Variants in MAP3K4 observed in about 807,000 individuals in gnomAD.
The protein encoded by MAP3K4 is MAP three kinase 1.
A neutral mutation model predicts 185.6 loss-of-function variants in MAP3K4; 67 were observed. The ratio of observed to expected loss-of-function variants is 0.36; its 90% CI spans 0.30 to 0.44. The LOEUF (loss-of-function observed/expected upper bound fraction) is 0.44. Among genes scored for constraint, MAP3K4 ranks in the 20% least tolerant of loss-of-function variants. The pLI is 1.00. For synonymous variants in MAP3K4, 702 were observed against 710.4 expected (o/e 0.99, Z 0.19); for missense variants, 1,551 against 1,995.1 (o/e 0.78, Z 4.24).
intron 6 of MAP3K4, among the ~76,000 whole-genome samples, chr6:161,083,024 T>C (rs1477893428): frequency 3.3e-5 from 5 of 152,170 alleles, no homozygotes; most frequent in Admixed American, 2.6e-4. Flanking sequence ...TTCTAGACCC[T>C]CCTGTCCTGT....
At chr6:161,035,599 C>T (rs1783128264) in intron 2 of MAP3K4, among the ~76,000 whole-genome samples, 1 of 152,140 alleles carries the variant, frequency 6.6e-6, no homozygotes, top group African/African-American at 2.4e-5. Context: ...ATTTGATTTG[C>T]TGTAATTTTT....
chr6:161,080,819 T>C lies in MAP3K4; in HGVS notation c.2098-62T>C. 1.4e-6 allele frequency: 2 copies of C among 1,473,528 alleles called. No homozygotes were observed. The highest frequency in any genetic ancestry group is 1.9e-6 in the Non-Finnish European group (2 of 1,067,218). The allele number at this position is 1,473,528 out of a possible 1,614,324, so 91.3% of individuals were successfully genotyped here. A position where few individuals can be genotyped will look rare whatever the true frequency, so the allele number is the denominator to read the frequency against. On this transcript the variant is annotated intron_variant, in intron 5 of 26. Transcript: ENST00000392142. The surrounding 1 kb of genome is among the most constrained non-coding windows in gnomAD (Gnocchi z 4.8). Reference sequence around the variant, plus strand: ...ACCCTGCTGATGTGTAGCTTTCAGGTGAGAGCGCTGAGTTGCCAAGTTCTA... The same window carrying C: ...ACCCTGCTGATGTGTAGCTTTCAGGCGAGAGCGCTGAGTTGCCAAGTTCTA...
chr6:161,068,375 C>G (rs1238837291), intron 3 of MAP3K4, among the ~76,000 whole-genome samples: 1 of 152,164 alleles, frequency 6.6e-6, no homozygotes, highest in Non-Finnish European at 1.5e-5. Flanking sequence ...AGAACACTGT[C>G]TGCAGATCAG....
At chr6:161,102,981 A>G (rs973976701) in intron 19 of MAP3K4, among the ~76,000 whole-genome samples, 3 of 152,172 alleles carry the variant, frequency 2.0e-5, no homozygotes, top group Non-Finnish European at 4.4e-5. Flanking sequence ...GTAACAAACT[A>G]CATGCTCCTT....
intron 2 of MAP3K4, among the ~76,000 whole-genome samples, chr6:161,047,954 A>C (rs888846487): frequency 6.6e-6 from 1 of 152,342 alleles, no homozygotes; most frequent in Middle Eastern, 3.4e-3. Flanking sequence ...ATTATACCAA[A>C]TTAGTCTATA....
rs1042216549 is a variant in MAP3K4 at position 161,086,570 on chromosome 6, A to G, written c.2473-14A>G. ...GCTAACCGTAAAGAAGTTTCTTTGT[A>G]ACTGTGATCCTAGGACCTGGAAATA... On this transcript the variant is annotated splice_polypyrimidine_tract_variant and intron_variant, in intron 8 of 26. Transcript: ENST00000392142. This position sits in a 1 kb window ranked among gnomAD's most constrained non-coding sequence, Gnocchi z 4.8. The G allele has an allele frequency of 1.2e-6, 2 of 1,611,452 alleles. No individual in the cohort carries two copies. The highest frequency in any genetic ancestry group is 1.7e-6 in the Non-Finnish European group (2 of 1,178,828).
intron 2 of MAP3K4, among the ~76,000 whole-genome samples, chr6:161,044,614 G>C (rs1377166990): frequency 6.6e-6 from 1 of 152,206 alleles, no homozygotes; most frequent in Non-Finnish European, 1.5e-5. Flanking sequence ...TCAGTTGCCA[G>C]AAAGCACTCT....
rs181505310 is a variant in MAP3K4 at position 161,012,919 on chromosome 6, A to G, written c.152+20836A>G. The stretch of plus-strand genomic sequence containing the variant: ...TTTAAAAATGGTCCCATCATATTTC[A>G]TTTTATGAGCATACCATAGAGCTGG... On this transcript the variant is annotated intron_variant, in intron 1 of 26. Coordinates refer to ENST00000392142, the MANE Select transcript of MAP3K4 (RefSeq NM_005922.4). Among the ~76,000 whole-genome samples the G allele has an allele frequency of 4.6e-5, 7 of 152,276 alleles. No individual in the cohort carries two copies. The South Asian group carries it at 1.0e-3, about 23-fold the overall frequency.
Position 160,991,863 on chromosome 6 carries a change from G to A in MAP3K4, c.-69G>A, listed in dbSNP as rs1780708746. ...CGGAGTCGAGTCACTCCCGCACTTC[G>A]GGGCTCCGGTGCCCCGCGCCAGGCT... On this transcript the variant is annotated 5_prime_UTR_variant, in exon 1 of 27. Transcript: ENST00000392142. The surrounding 1 kb of genome is among the most constrained non-coding windows in gnomAD (Gnocchi z 5.7). 2.1e-6 allele frequency: 3 copies of A among 1,419,572 alleles called. No individual in the cohort carries two copies. Among genetic ancestry groups the A allele is most frequent in the Middle Eastern group, 2.5e-4 (1 of 3,970 alleles). The allele number at this position is 1,419,572 out of a possible 1,614,324, so 87.9% of individuals were successfully genotyped here.
In MAP3K4 at chr6:161,093,292, TC is replaced by T. The variant is rs1429127026; in HGVS notation, c.3348+237del. Among the ~76,000 whole-genome samples, 1 of 152,220 alleles carries T rather than the reference TC, an allele frequency of 6.6e-6. No homozygotes were observed. The highest frequency in any genetic ancestry group is 1.9e-4 in the East Asian group (1 of 5,208). On this transcript the variant is annotated intron_variant, in intron 14 of 26. Coordinates refer to ENST00000392142, the MANE Select transcript of MAP3K4 (RefSeq NM_005922.4). The surrounding 1 kb of genome is among the most constrained non-coding windows in gnomAD (Gnocchi z 5.2). The stretch of plus-strand genomic sequence containing the variant: ...TGTCTGGTTTGTAAACCCTGGCCCT[TC>T]TAAAATATTTGTGAGATTTATATTT...
chr6:161,077,324 C>G lies in MAP3K4; in HGVS notation c.2098-3557C>G, dbSNP rs1207248276. 6.6e-6 allele frequency among the ~76,000 whole-genome samples: 1 copy of G among 152,080 alleles called. No individual in the cohort carries two copies. The highest frequency in any genetic ancestry group is 1.5e-5 in the Non-Finnish European group (1 of 68,012). The stretch of plus-strand genomic sequence containing the variant: ...CTTAAAATAAAAATTAAAGAAAAAT[C>G]AACAAGAACATATCTAAAGCAAATA... On this transcript the variant is annotated intron_variant, in intron 5 of 26. Transcript: ENST00000392142. This position sits in a 1 kb window ranked among gnomAD's most constrained non-coding sequence, Gnocchi z 4.3.
At chr6:161,081,594 A>C (rs569146395) in intron 6 of MAP3K4, among the ~76,000 whole-genome samples, 1 of 152,320 alleles carries the variant, frequency 6.6e-6, no homozygotes, top group African/African-American at 2.4e-5. Flanking sequence ...GGGTGAAGGA[A>C]TAGAAGTGTA....
Position 161,097,244 on chromosome 6 carries a change from A to G in MAP3K4, c.3524+68A>G. ...CCGATATGCATGCTCATACTTTTGA[A>G]ACTACTAGATGCTTGCTCTGAGAGC... On this transcript the variant is annotated intron_variant, in intron 16 of 26. Coordinates refer to ENST00000392142, the MANE Select transcript of MAP3K4 (RefSeq NM_005922.4). The surrounding 1 kb of genome is among the most constrained non-coding windows in gnomAD (Gnocchi z 4.9). The G allele has an allele frequency of 7.6e-7, 1 of 1,311,190 alleles. No individual in the cohort carries two copies. The highest frequency in any genetic ancestry group is 2.3e-5 in the East Asian group (1 of 43,242). 81.2% of individuals were successfully genotyped at this position (1,311,190 alleles called of 1,614,324 possible).
chr6:161,002,588 G>GATTTTTTT (rs1781374283), intron 1 of MAP3K4, among the ~76,000 whole-genome samples: 1 of 92,352 alleles, frequency 1.1e-5, no homozygotes, highest in Non-Finnish European at 2.2e-5. Flanking sequence ...AATAGTTTTG[G>GATTTTTTT]CTTTTTTTTT....
chr6:161,041,908 G>GTTT (rs1783473007), intron 2 of MAP3K4, among the ~76,000 whole-genome samples: 3 of 94,386 alleles, frequency 3.2e-5, no homozygotes, highest in South Asian at 3.9e-4. Flanking sequence ...TTGAGTTATT[G>GTTT]TTTCTTTTTT....
chr6:161,069,321 G>A (rs141314429), intron 3 of MAP3K4, among the ~76,000 whole-genome samples: 1 of 152,280 alleles, frequency 6.6e-6, no homozygotes, highest in Non-Finnish European at 1.5e-5. Flanking sequence ...TGTTGGGGGC[G>A]AGAAGAAAGT....
At position 161,107,878 on chromosome 6, in the gene MAP3K4, G is replaced by T; in HGVS notation, c.4049-21G>T. 4 of 1,606,314 alleles carry T rather than the reference G, an allele frequency of 2.5e-6. No individual in the cohort carries two copies. The highest frequency in any genetic ancestry group is 3.4e-6 in the Non-Finnish European group (4 of 1,173,128). On this transcript the variant is annotated intron_variant, in intron 20 of 26. Coordinates refer to ENST00000392142, the MANE Select transcript of MAP3K4 (RefSeq NM_005922.4). This position sits in a 1 kb window ranked among gnomAD's most constrained non-coding sequence, Gnocchi z 6.2. ...GCCCCCTGCAGTGGCTGGAAGTGCAGCTTGTTTGCATTGTTCACAGGAGAA... is the reference window on the plus strand; with the variant it reads ...GCCCCCTGCAGTGGCTGGAAGTGCATCTTGTTTGCATTGTTCACAGGAGAA...
chr6:161,013,506 G>A (rs1781942526), intron 1 of MAP3K4, among the ~76,000 whole-genome samples: 1 of 152,090 alleles, frequency 6.6e-6, no homozygotes, highest in Non-Finnish European at 1.5e-5. Context: ...GAAATTAAGG[G>A]AAATAATTTC....
chr6:161,020,541 C>T (rs1186148961), intron 1 of MAP3K4, among the ~76,000 whole-genome samples: 1 of 151,664 alleles, frequency 6.6e-6, no homozygotes, highest in Non-Finnish European at 1.5e-5. Context: ...GCCTGTAGTC[C>T]CAGCAACTCG....
Sources: allele counts gnomAD v4.1 joint callset (sites outside exome capture counted in the v4.1 genomes callset), GRCh38; gene constraint gnomAD v4.1.1; non-coding constraint Gnocchi (gnomAD v3.1); transcripts MANE v1.5; gene names NCBI Gene and HGNC (gene_info 2026-07-23, HGNC 2026-07-21).